TMCO5A: variants seen among roughly 807,000 people sequenced by gnomAD.
The protein encoded by TMCO5A is transmembrane and coiled-coil domain-containing protein 5A.
In TMCO5A, 34 loss-of-function variants were observed where a neutral mutation model predicts 42.3. The observed-to-expected ratio is 0.80, with a 90% CI of 0.61 to 1.07. The LOEUF (loss-of-function observed/expected upper bound fraction) is 1.07. Ranked by LOEUF, TMCO5A falls within the 50% of genes least tolerant of loss-of-function variation. The pLI, the probability that TMCO5A is intolerant of heterozygous loss-of-function variation, is 0.00. For missense variants in TMCO5A, 357 were observed against 327.9 expected (o/e 1.09, Z -0.69); for synonymous variants, 131 against 115.6 (o/e 1.13, Z -0.86).
exon 12 of TMCO5A, chr15:37,967,285 T>G (rs1425304411): frequency 6.6e-6 from 1 of 152,230 alleles, no homozygotes; most frequent in Non-Finnish European, 1.5e-5. Flanking sequence ...TATTTTCCAG[T>G]ACAAGAGAAA....
the TMCO5A span, among the ~76,000 whole-genome samples, chr15:37,978,211 G>A: frequency 1.1e-4 from 17 of 152,232 alleles, no homozygotes; most frequent in African/African-American, 3.9e-4. Flanking sequence ...GGCTTACAGG[G>A]AAGACAGAAT....
intron 7 of TMCO5A, among the ~76,000 whole-genome samples, 157 bp from the exon 8 acceptor site, chr15:37,941,514 A>T (rs1004980515): frequency 6.6e-6 from 1 of 152,130 alleles, no homozygotes; most frequent in African/African-American, 2.4e-5. Context: ...TTACCCTAAA[A>T]AAAGGAAATA....
At chr15:38,034,160 G>A in the TMCO5A span, among the ~76,000 whole-genome samples, 1 of 152,246 alleles carries the variant, frequency 6.6e-6, no homozygotes, top group South Asian at 2.1e-4. Context: ...AAAAGGGCCT[G>A]TCTAGCTCCC....
At chr15:38,037,752 C>T in the TMCO5A span, among the ~76,000 whole-genome samples, 18 of 152,120 alleles carry the variant, frequency 1.2e-4, no homozygotes, top group Admixed American at 5.2e-4. Context: ...CGGTGGCTCA[C>T]GCCTGTAATT....
chr15:37,962,740 G>T (rs1183535162), intron 11 of TMCO5A, among the ~76,000 whole-genome samples: 2 of 152,064 alleles, frequency 1.3e-5, no homozygotes, highest in African/African-American at 4.8e-5. Context: ...TCTGTTCAGT[G>T]TATCTAATTC....
At chr15:37,992,377 G>A in the TMCO5A span, among the ~76,000 whole-genome samples, 1 of 152,092 alleles carries the variant, frequency 6.6e-6, no homozygotes, top group Non-Finnish European at 1.5e-5. Context: ...CAAAGGAACA[G>A]GAACTTATAC....
chr15:37,970,624 C>T (rs1890655136), downstream of TMCO5A, among the ~76,000 whole-genome samples: 1 of 152,224 alleles, frequency 6.6e-6, no homozygotes, highest in South Asian at 2.1e-4. Flanking sequence ...AGGAAAGTCC[C>T]TTCTGCCTAT....
the TMCO5A span, among the ~76,000 whole-genome samples, chr15:37,990,681 C>T: frequency 4.6e-5 from 7 of 151,794 alleles, no homozygotes; most frequent in African/African-American, 7.3e-5. Context: ...TTCTATATAC[C>T]TTTTATCTTT....
rs1404292919 is a variant in TMCO5A, at chr15:37,951,039, T to A, written c.672T>A (p.Ile224=). ...TTTCATGGCATTCTCTTTTTAGGATTTTTTGCTGTCTCTTTTTCATCACCC... is the reference window on the plus strand; with the variant it reads ...TTTCATGGCATTCTCTTTTTAGGATATTTTGCTGTCTCTTTTTCATCACCC... ...QKTARLFSKK[I]FCCLFFITLF... Residue 224 remains isoleucine (I), a synonymous_variant, in exon 12 of 12, where the codon ATT becomes ATA. Transcript: ENST00000319669. 1 of 1,611,086 alleles carries A rather than the reference T, an allele frequency of 6.2e-7. No homozygotes were observed. Among genetic ancestry groups the A allele is most frequent in the Non-Finnish European group, 8.5e-7 (1 of 1,179,632 alleles).
intron 8 of TMCO5A, among the ~76,000 whole-genome samples, 198 bp from the exon 9 acceptor site, chr15:37,941,993 A>G (rs1889763494): frequency 6.6e-6 from 1 of 152,116 alleles, no homozygotes. Context: ...AATGTCAATG[A>G]TGCCCAGAAA....
chr15:38,030,671 C>T, the TMCO5A span, among the ~76,000 whole-genome samples: 2,402 of 152,286 alleles, frequency 0.016, 61 homozygotes, highest in African/African-American at 0.055. Context: ...TGACTTGGTA[C>T]TGCTCACCCT....
the TMCO5A span, among the ~76,000 whole-genome samples, chr15:37,995,714 C>T: frequency 2.2e-3 from 336 of 152,192 alleles, 2 homozygotes; most frequent in African/African-American, 7.4e-3. Context: ...CACTATATGG[C>T]ACGGCTGCAA....
chr15:38,040,410 C>A, the TMCO5A span: 4 of 152,272 alleles, frequency 2.6e-5, no homozygotes, highest in African/African-American at 9.6e-5. Flanking sequence ...TGCAGGCAAA[C>A]GGAGTCGCCA....
the TMCO5A span, among the ~76,000 whole-genome samples, chr15:38,007,363 G>A: frequency 1.3e-5 from 2 of 152,272 alleles, no homozygotes; most frequent in African/African-American, 4.8e-5. Flanking sequence ...TGGGCTGTAG[G>A]CTCTTTTATG....
chr15:38,035,842 C>CTGCCCTAGAATGGTT, the TMCO5A span, among the ~76,000 whole-genome samples: 1 of 152,182 alleles, frequency 6.6e-6, no homozygotes, highest in Non-Finnish European at 1.5e-5. Flanking sequence ...TGTATTGAAG[C>CTGCCCTAGAATGGTT]TGCCCTAGAA....
At chr15:37,994,420 G>A in the TMCO5A span, 1 of 152,254 alleles carries the variant, frequency 6.6e-6, no homozygotes, top group African/African-American at 2.4e-5. Flanking sequence ...CTGTTCTCAT[G>A]GCTTTTTACC....
At chr15:37,939,263 G>A (rs1889644332) in intron 6 of TMCO5A, among the ~76,000 whole-genome samples, 1 of 152,046 alleles carries the variant, frequency 6.6e-6, no homozygotes. Flanking sequence ...AAAGTATGGA[G>A]AATTACTCCC....
chr15:37,948,860 G>T (rs984942621), intron 11 of TMCO5A, among the ~76,000 whole-genome samples: 1 of 152,046 alleles, frequency 6.6e-6, no homozygotes, highest in African/African-American at 2.4e-5. Context: ...AAATTTCATG[G>T]AGAGTGGTGG....
the TMCO5A span, chr15:38,020,304 G>A: frequency 6.6e-6 from 1 of 152,072 alleles, no homozygotes; most frequent in African/African-American, 2.4e-5. Flanking sequence ...TTTTAAAAGG[G>A]AAAAACTGTG....
Sources: gnomAD v4.1 joint callset for allele counts (sites outside exome capture counted in the v4.1 genomes callset) on GRCh38, gnomAD v4.1.1 for gene constraint, MANE v1.5 for transcripts, NCBI Gene and HGNC (gene_info 2026-07-23, HGNC 2026-07-21) for gene names.